AATF: variants seen among roughly 807,000 people sequenced by gnomAD.
AATF encodes the protein protein AATF.
A neutral mutation model predicts 63.7 loss-of-function variants in AATF; 48 were observed. The observed-to-expected ratio is 0.75, with a 90% CI of 0.60 to 0.96. AATF has a LOEUF of 0.96. Among genes scored for constraint, AATF ranks in the 40% least tolerant of loss-of-function variants. The pLI is 0.00. For missense variants in AATF, 639 were observed against 685.7 expected (o/e 0.93, Z 0.76); for synonymous variants, 258 against 247.7 (o/e 1.04, Z -0.39).
At position 37,004,867 on chromosome 17, in the gene AATF, T is replaced by C. The variant is rs370780537; in HGVS notation, c.1398+14010T>C. 3.3e-5 allele frequency among the ~76,000 whole-genome samples: 5 copies of C among 152,332 alleles called. No homozygotes were observed. In the East Asian group the frequency reaches 5.8e-4, roughly 18 times the overall value. On this transcript the variant is annotated intron_variant, in intron 8 of 11. Coordinates refer to ENST00000619387, the MANE Select transcript of AATF (RefSeq NM_012138.4). ...AGGCCAGTTTGCAAGATCTGGTCTT[T>C]CTCTCACTACATTCATCCATGTGGA...
intron 10 of AATF, among the ~76,000 whole-genome samples, chr17:37,026,026 C>G (rs909521581): frequency 7.2e-5 from 11 of 152,150 alleles, no homozygotes; most frequent in African/African-American, 2.4e-4. Flanking sequence ...ATCTATACCC[C>G]CTGTGTCTTC....
chr17:37,040,716 G>C (rs182475958), intron 11 of AATF, among the ~76,000 whole-genome samples: 3 of 61,366 alleles, frequency 4.9e-5, no homozygotes, highest in African/African-American at 9.3e-5. Context: ...AAACTTATTT[G>C]GGGGGGGGAA....
chr17:36,950,278 A>G lies in AATF; in HGVS notation c.156A>G (p.Val52=). 2 of 1,614,194 alleles carry G rather than the reference A, an allele frequency of 1.2e-6. No homozygotes were observed. The highest frequency in any genetic ancestry group is 1.7e-6 in the Non-Finnish European group (2 of 1,180,042). Residue 52 remains valine (V), a synonymous_variant, in exon 2 of 12, where the codon GTA becomes GTG. Transcript: ENST00000619387. Reference sequence around the variant, plus strand: ...AAGATGGGGAAGGTGATTTCCTAGTAGTGGGTAGCATTAGAAAACTGGCAT... The same window carrying G: ...AAGATGGGGAAGGTGATTTCCTAGTGGTGGGTAGCATTAGAAAACTGGCAT... ...EGEDGEGDFL[V]VGSIRKLASA...
intron 10 of AATF, among the ~76,000 whole-genome samples, chr17:37,028,961 A>ATG (rs1224193252): frequency 6.6e-5 from 10 of 152,120 alleles, no homozygotes; most frequent in African/African-American, 2.2e-4. Flanking sequence ...GAATATATAT[A>ATG]TATATAAGGA....
At chr17:36,956,974 C>T (rs1056209897) in intron 4 of AATF, among the ~76,000 whole-genome samples, 3 of 150,720 alleles carry the variant, frequency 2.0e-5, no homozygotes, top group Non-Finnish European at 4.4e-5. Context: ...GAAACTGTCC[C>T]CCCCGAAAAA....
chr17:36,953,798 G>T lies in AATF; in HGVS notation c.723G>T (p.Arg241Ser). Residue 241 changes from arginine to serine, a missense_variant, in exon 4 of 12, where the codon AGG becomes AGT. Arg to Ser is a moderately radical substitution (Grantham distance 110). Transcript: ENST00000619387. Reference protein sequence around the residue: ...IALWDQLLEGRIKLQKALLTT... With the variant: ...IALWDQLLEGSIKLQKALLTT... ...TGTGGGACCAGCTCTTGGAAGGAAG[G>T]ATCAAACTACAAAAAGCTCTGTTGA... 2 of 1,614,024 alleles carry T rather than the reference G, an allele frequency of 1.2e-6. No homozygotes were observed. Among genetic ancestry groups the T allele is most frequent in the Non-Finnish European group, 1.7e-6 (2 of 1,180,010 alleles).
At chr17:37,042,738 T>C (rs1014325095) in intron 11 of AATF, among the ~76,000 whole-genome samples, 2 of 138,396 alleles carry the variant, frequency 1.4e-5, no homozygotes, top group African/African-American at 2.6e-5. Flanking sequence ...TTTTTCTTTC[T>C]TTTTTTTTTT....
At chr17:37,025,525 G>A (rs994241221) in intron 10 of AATF, among the ~76,000 whole-genome samples, 1 of 152,144 alleles carries the variant, frequency 6.6e-6, no homozygotes, top group South Asian at 2.1e-4. Context: ...TTACGACAGC[G>A]ATGAATACAG....
intron 4 of AATF, among the ~76,000 whole-genome samples, chr17:36,981,702 C>CTTTTTTTTTTTTTTTTTTTTT (rs71368433): frequency 2.7e-5 from 3 of 110,480 alleles, no homozygotes; most frequent in African/African-American, 3.5e-5. Context: ...TCTTTCTTTT[C>CTTTTTTTTTTTTTTTTTTTTT]TTTTTTTTTT....
chr17:37,053,740 C>A (rs2071773565), intron 11 of AATF, among the ~76,000 whole-genome samples: 1 of 152,268 alleles, frequency 6.6e-6, no homozygotes, highest in Non-Finnish European at 1.5e-5. Flanking sequence ...GTGGTGCGCA[C>A]CTGCAGTCCC....
At chr17:36,984,064 A>G (rs1309565695) in intron 4 of AATF, among the ~76,000 whole-genome samples, 5 of 152,270 alleles carry the variant, frequency 3.3e-5, no homozygotes, top group Admixed American at 1.3e-4. Context: ...AAGTCTGCTC[A>G]TGCTGGACAG....
intron 11 of AATF, among the ~76,000 whole-genome samples, chr17:37,032,648 G>C (rs1284812005): frequency 1.3e-5 from 2 of 152,210 alleles, no homozygotes; most frequent in African/African-American, 4.8e-5. Flanking sequence ...CTACACAGAA[G>C]ACAGCCACTT....
chr17:36,957,137 A>G (rs1161929863), intron 4 of AATF, among the ~76,000 whole-genome samples: 2 of 152,198 alleles, frequency 1.3e-5, no homozygotes, highest in South Asian at 2.1e-4. Context: ...TCTCTTTTCA[A>G]TTTGCTTGGT....
intron 8 of AATF, among the ~76,000 whole-genome samples, chr17:37,008,609 A>T (rs1266240095): frequency 6.6e-6 from 1 of 152,204 alleles, no homozygotes; most frequent in Admixed American, 6.5e-5. Context: ...TATCCCTGTA[A>T]TCCCAGCAGT....
intron 4 of AATF, among the ~76,000 whole-genome samples, chr17:36,984,148 T>G (rs1319733152): frequency 6.6e-6 from 1 of 152,190 alleles, no homozygotes; most frequent in African/African-American, 2.4e-5. Context: ...GGCTACAGTT[T>G]GTGTGAAATG....
chr17:36,970,352 ATTCT>A (rs2071029451), intron 4 of AATF, among the ~76,000 whole-genome samples: 1 of 152,286 alleles, frequency 6.6e-6, no homozygotes, highest in Admixed American at 6.5e-5. Flanking sequence ...CCTGTCTCTC[ATTCT>A]TTGCCTTTCT....
At chr17:36,983,610 C>G (rs1278265903) in intron 4 of AATF, among the ~76,000 whole-genome samples, 2 of 151,342 alleles carry the variant, frequency 1.3e-5, no homozygotes, top group Non-Finnish European at 2.9e-5. Context: ...CTCGTCCTCC[C>G]AAAGTGCTGG....
intron 10 of AATF, chr17:37,031,334 TTA>T: frequency 8.4e-6 from 4 of 477,836 alleles, no homozygotes; most frequent in Non-Finnish European, 7.6e-6. Context: ...TGTGTGTAGA[TTA>T]CATGCAAATA....
Position 37,020,930 on chromosome 17 carries a change from C to A in AATF, c.1467-4C>A. On this transcript the variant is annotated splice_polypyrimidine_tract_variant and splice_region_variant and intron_variant, in intron 9 of 11. Coordinates refer to ENST00000619387, the MANE Select transcript of AATF (RefSeq NM_012138.4). The stretch of plus-strand genomic sequence containing the variant: ...ATGCATAACATTGCTTGTGAATTTT[C>A]CAGGCAGTGGCTTGCAATCCAGAAG... The A allele has an allele frequency of 1.9e-6, 3 of 1,608,502 alleles. No homozygotes were observed. Among genetic ancestry groups the A allele is most frequent in the Non-Finnish European group, 2.5e-6 (3 of 1,177,470 alleles).
Sources: allele counts gnomAD v4.1 joint callset (sites outside exome capture counted in the v4.1 genomes callset), GRCh38; gene constraint gnomAD v4.1.1; transcripts MANE v1.5; gene names NCBI Gene and HGNC (gene_info 2026-07-23, HGNC 2026-07-21).